PIK3C2G: variants seen among roughly 807,000 people sequenced by gnomAD.
PIK3C2G encodes phosphatidylinositol 3-kinase C2 domain-containing subunit gamma.
A neutral mutation model predicts 181.1 loss-of-function variants in PIK3C2G; 168 were observed. That is an observed-to-expected ratio of 0.93 (90% CI 0.82 to 1.05). PIK3C2G has a LOEUF of 1.05. Among genes scored for constraint, PIK3C2G ranks in the 50% least tolerant of loss-of-function variants. PIK3C2G has a pLI of 0.00. For missense variants in PIK3C2G, 1,869 were observed against 1,732.8 expected (o/e 1.08, Z -1.40); for synonymous variants, 573 against 592.2 (o/e 0.97, Z 0.47).
At chr12:18,578,307 T>A (rs1946332731) in intron 29 of PIK3C2G, among the ~76,000 whole-genome samples, 1 of 152,180 alleles carries the variant, frequency 6.6e-6, no homozygotes, top group African/African-American at 2.4e-5. Flanking sequence ...ACGTTGGGTT[T>A]TTTTTCCTCC....
chr12:18,615,142 C>T (rs1948535419), intron 31 of PIK3C2G, among the ~76,000 whole-genome samples: 1 of 151,896 alleles, frequency 6.6e-6, no homozygotes, highest in Admixed American at 6.6e-5. Flanking sequence ...CCCCAAGTCC[C>T]TAAATTTCAT....
At chr12:18,323,986 C>A (rs747864598) in intron 7 of PIK3C2G, among the ~76,000 whole-genome samples, 7 of 151,878 alleles carry the variant, frequency 4.6e-5, no homozygotes, top group Non-Finnish European at 8.8e-5. Context: ...TTTGGGACGC[C>A]GAGGTGGGCG....
At chr12:18,583,585 A>G (rs1439382203) in intron 29 of PIK3C2G, among the ~76,000 whole-genome samples, 1 of 151,816 alleles carries the variant, frequency 6.6e-6, no homozygotes, top group Admixed American at 6.6e-5. Flanking sequence ...GCTGGTCCAG[A>G]CCCCCAGCAC....
chr12:18,635,826 C>T (rs1051776307), intron 31 of PIK3C2G, among the ~76,000 whole-genome samples: 1 of 152,172 alleles, frequency 6.6e-6, no homozygotes, highest in Non-Finnish European at 1.5e-5. Flanking sequence ...CAGGCTAACA[C>T]ACCCAAATGA....
In PIK3C2G at chr12:18,626,604, A is replaced by G. The variant is rs759839878; in HGVS notation, c.4183-13825A>G. Among the ~76,000 whole-genome samples, 101 of 152,148 alleles carry G rather than the reference A, an allele frequency of 6.6e-4. 4 individuals carry two copies. The highest frequency in any genetic ancestry group is 6.0e-4 in the Non-Finnish European group (41 of 67,944). ...TTTCTGTAATGCAAGCCTAATGATG[A>G]TTAACTCCCATGGCATGGTTTGTCT... On this transcript the variant is annotated intron_variant, in intron 31 of 32. Transcript: ENST00000538779.
upstream of PIK3C2G, among the ~76,000 whole-genome samples, chr12:18,244,889 TATAAA>T (rs541700280): frequency 4.5e-4 from 69 of 152,232 alleles, no homozygotes; most frequent in African/African-American, 1.6e-3. Flanking sequence ...ACAAGCTTAT[TATAAA>T]ATATTATTTG....
chr12:18,363,327 T>A (rs1381170124), intron 12 of PIK3C2G, among the ~76,000 whole-genome samples: 2 of 152,136 alleles, frequency 1.3e-5, no homozygotes, highest in Non-Finnish European at 2.9e-5. Context: ...TTTTTGACAA[T>A]AAACATCTAT....
At chr12:18,603,911 G>T (rs1947868968) in intron 30 of PIK3C2G, among the ~76,000 whole-genome samples, 1 of 151,954 alleles carries the variant, frequency 6.6e-6, no homozygotes, top group Non-Finnish European at 1.5e-5. Context: ...ACATCAAAAA[G>T]AATCTCTTTA....
intron 16 of PIK3C2G, among the ~76,000 whole-genome samples, chr12:18,407,898 T>C (rs533073016): frequency 6.0e-4 from 92 of 152,218 alleles, no homozygotes; most frequent in African/African-American, 2.1e-3. Flanking sequence ...GAGGAGTACA[T>C]GATTTAAGAT....
intron 30 of PIK3C2G, chr12:18,607,182 T>C (rs1482241176): frequency 3.9e-6 from 2 of 516,108 alleles, no homozygotes; most frequent in African/African-American, 1.9e-5. Flanking sequence ...TGAAGAAAGG[T>C]AGAAGTTCAA....
At chr12:18,374,527 G>C (rs1002821727) in intron 13 of PIK3C2G, among the ~76,000 whole-genome samples, 1 of 152,128 alleles carries the variant, frequency 6.6e-6, no homozygotes, top group South Asian at 2.1e-4. Flanking sequence ...TGGTTACCAG[G>C]CTACTTAGAA....
At position 18,488,505 on chromosome 12, in the gene PIK3C2G, TAGCTGC is replaced by T; in HGVS notation, c.2562_2567del (p.Ala855_Ala856del). 6.4e-7 allele frequency: 1 copy of T among 1,569,470 alleles called. No homozygotes were observed. Among genetic ancestry groups the T allele is most frequent in the South Asian group, 1.2e-5 (1 of 83,990 alleles). On this transcript the variant is annotated inframe_deletion, in exon 19 of 33. Coordinates refer to ENST00000538779, the MANE Select transcript of PIK3C2G (RefSeq NM_001288772.2). Reference sequence around the variant, plus strand: ...TTTAAAAGCTGGTATCAGAAGCTACTAGCTGCTCTCCAATTCTGTGCAGGTAAAGCC... The same window carrying T: ...TTTAAAAGCTGGTATCAGAAGCTACTTCTCCAATTCTGTGCAGGTAAAGCC...
intron 11 of PIK3C2G, among the ~76,000 whole-genome samples, chr12:18,347,340 A>G (rs1939766391): frequency 6.6e-6 from 1 of 152,214 alleles, no homozygotes. Flanking sequence ...ATGAACGACA[A>G]TTACACATGG....
chr12:18,286,908 C>A lies in PIK3C2G; in HGVS notation c.740C>A (p.Ser247Tyr). ...CAAAGCAGCAATACGAGTCTGGCCTCTTTTTGCAACAAAGTAAAAAAGTGA... is the reference window on the plus strand; with the variant it reads ...CAAAGCAGCAATACGAGTCTGGCCTATTTTTGCAACAAAGTAAAAAAGTGA... Reference protein sequence around the residue: ...VPQSSNTSLASFCNKVKKIRE... With the variant: ...VPQSSNTSLAYFCNKVKKIRE... The change falls in exon 3 of 33, where the codon TCT (serine) becomes TAT (tyrosine). Residue 247 changes from serine to tyrosine, a missense_variant. Transcript: ENST00000538779. 6.4e-7 allele frequency: 1 copy of A among 1,565,988 alleles called. No homozygotes were observed. The highest frequency in any genetic ancestry group is 8.7e-7 in the Non-Finnish European group (1 of 1,154,850).
chr12:18,597,731 T>C (rs1024637032), intron 30 of PIK3C2G, among the ~76,000 whole-genome samples: 2 of 151,896 alleles, frequency 1.3e-5, no homozygotes, highest in Non-Finnish European at 2.9e-5. Context: ...GACGACATGA[T>C]TGTATATCTA....
intron 29 of PIK3C2G, among the ~76,000 whole-genome samples, chr12:18,572,420 A>C (rs911236802): frequency 6.7e-6 from 1 of 149,086 alleles, no homozygotes; most frequent in Admixed American, 6.7e-5. Context: ...TATAAAATTT[A>C]TATAATAAAG....
chr12:18,714,100 T>A, the PIK3C2G span, among the ~76,000 whole-genome samples: 2 of 152,230 alleles, frequency 1.3e-5, no homozygotes, highest in Non-Finnish European at 2.9e-5. Context: ...TTGTATGCCA[T>A]CATGAAATAG....
intron 16 of PIK3C2G, among the ~76,000 whole-genome samples, chr12:18,402,211 G>A (rs1308530384): frequency 1.3e-5 from 2 of 152,102 alleles, no homozygotes; most frequent in Non-Finnish European, 2.9e-5. Flanking sequence ...AATGAATACT[G>A]ATATATGCTA....
At chr12:18,368,313 T>C (rs374573306) in intron 12 of PIK3C2G, among the ~76,000 whole-genome samples, 3 of 152,200 alleles carry the variant, frequency 2.0e-5, no homozygotes, top group Non-Finnish European at 4.4e-5. Context: ...CAATTTGCCA[T>C]ATATTGTGTT....
Sources: allele counts gnomAD v4.1 joint callset (sites outside exome capture counted in the v4.1 genomes callset), GRCh38; gene constraint gnomAD v4.1.1; transcripts MANE v1.5; gene names NCBI Gene and HGNC (gene_info 2026-07-23, HGNC 2026-07-21).